Variants in ALKBH1 observed in about 807,000 individuals in gnomAD.
ALKBH1 encodes the protein alkB homolog 1, histone H2A dioxygenase.
In ALKBH1, 31 loss-of-function variants were observed where a neutral mutation model predicts 36.6. The observed-to-expected ratio is 0.85, with a 90% confidence interval of 0.64 to 1.14. ALKBH1 has a LOEUF of 1.14. ALKBH1 is among the 50% of genes most tolerant of loss of function. The probability of loss-of-function intolerance (pLI) is 0.00; values close to 1 mark genes in which losing one functional copy is unlikely to be tolerated. For missense variants in ALKBH1, 490 were observed against 497.3 expected, an observed-to-expected ratio of 0.99 and a Z score of 0.14; for synonymous variants, 183 against 186.6, an observed-to-expected ratio of 0.98 and a Z score of 0.16.
intron 2 of ALKBH1, among the ~76,000 whole-genome samples, chr14:77,702,903 C>A (rs2080367253): frequency 6.6e-6 from 1 of 152,094 alleles, no homozygotes; most frequent in Non-Finnish European, 1.5e-5. Context: ...GCCTGTAATC[C>A]TAGCACTCTG....
intron 1 of ALKBH1, among the ~76,000 whole-genome samples, chr14:77,706,285 C>T (rs533500282): frequency 4.2e-4 from 64 of 152,178 alleles, no homozygotes; most frequent in Non-Finnish European, 7.5e-4. Flanking sequence ...TTTCCAGGTA[C>T]CTAGGCACTG....
rs753918741 is a variant in ALKBH1, at chr14:77,673,788, TA to T, written c.*23del. The stretch of plus-strand genomic sequence containing the variant: ...CATTTACGGTAAGCAGGTGCCTGAG[TA>T]AAAAGGATGGGATCTCCAAGTCTCA... On this transcript the variant is annotated 3_prime_UTR_variant, in exon 6 of 6. Transcript: ENST00000216489. The T allele has an allele frequency of 1.3e-6, 2 of 1,595,034 alleles. No individual in the cohort carries two copies. The highest frequency in any genetic ancestry group is 1.7e-5 in the Admixed American group (1 of 58,370).
intron 3 of ALKBH1, among the ~76,000 whole-genome samples, chr14:77,682,132 C>G (rs1260506165): frequency 6.6e-6 from 1 of 152,056 alleles, no homozygotes; most frequent in East Asian, 1.9e-4. Context: ...AAATATAAGG[C>G]TTGGCCACTG....
At chr14:77,690,045 AAGT>A (rs2080289038) in intron 3 of ALKBH1, among the ~76,000 whole-genome samples, 1 of 152,142 alleles carries the variant, frequency 6.6e-6, no homozygotes, top group African/African-American at 2.4e-5. Context: ...GAATGAGGGG[AAGT>A]AGGAGATTCT....
At chr14:77,687,913 CA>C (rs1179031534) in intron 3 of ALKBH1, among the ~76,000 whole-genome samples, 2 of 20,434 alleles carry the variant, frequency 9.8e-5, no homozygotes, top group African/African-American at 1.9e-4. Flanking sequence ...CTCCTCATCT[CA>C]TCTCTCTTCG....
In ALKBH1 at chr14:77,673,554, A is replaced by G. The variant is rs909365171; in HGVS notation, c.*258T>C. The G allele has an allele frequency of 6.5e-6, 3 of 460,006 alleles. No individual in the cohort carries two copies. The highest frequency in any genetic ancestry group is 1.9e-5 in the African/African-American group (1 of 51,428). 28.5% of individuals were successfully genotyped at this position (460,006 alleles called of 1,614,324 possible). ...AGGCTGAGAAGGCTGTTGTGGAAGA[A>G]CATACCTCCTTGGACTGACTTCTCA... On this transcript the variant is annotated 3_prime_UTR_variant, in exon 6 of 6. Coordinates refer to ENST00000216489, the MANE Select transcript of ALKBH1 (RefSeq NM_006020.3).
intron 3 of ALKBH1, among the ~76,000 whole-genome samples, chr14:77,684,801 G>T (rs1219308388): frequency 6.6e-6 from 1 of 152,056 alleles, no homozygotes; most frequent in African/African-American, 2.4e-5. Context: ...TTCTGCGTTG[G>T]CCTCCCAAAG....
chr14:77,687,359 C>G lies in ALKBH1; in HGVS notation c.455+7379G>C, dbSNP rs139743253. On this transcript the variant is annotated intron_variant, in intron 3 of 5. Transcript: ENST00000216489. ...AATAGAATGTTTCTTCTCATACTTT[C>G]AAGTCCTCTTCTGAACTTGTTTTTT... 8.6e-4 allele frequency among the ~76,000 whole-genome samples: 131 copies of G among 152,318 alleles called. 1 individual carries two copies. Among genetic ancestry groups the G allele is most frequent in the African/African-American group, 3.0e-3 (125 of 41,574 alleles).
intron 3 of ALKBH1, among the ~76,000 whole-genome samples, chr14:77,680,730 A>G (rs952049583): frequency 1.5e-5 from 2 of 134,634 alleles, no homozygotes; most frequent in Admixed American, 8.1e-5. Flanking sequence ...CCCAGGCTGG[A>G]GTGCAATGGC....
intron 3 of ALKBH1, among the ~76,000 whole-genome samples, chr14:77,690,888 G>T (rs1251293942): frequency 2.0e-5 from 3 of 151,450 alleles, no homozygotes; most frequent in Non-Finnish European, 4.4e-5. Context: ...CGCAACCTCC[G>T]CCTCCCGGGT....
At chr14:77,684,580 C>A (rs1486415527) in intron 3 of ALKBH1, among the ~76,000 whole-genome samples, 2 of 152,068 alleles carry the variant, frequency 1.3e-5, no homozygotes, top group African/African-American at 4.8e-5. Flanking sequence ...AGGCTGGTTT[C>A]GAATTCTGGA....
At chr14:77,707,424 AAACAGC>A (rs1566819736) in intron 1 of ALKBH1, among the ~76,000 whole-genome samples, 1 of 152,226 alleles carries the variant, frequency 6.6e-6, no homozygotes, top group Non-Finnish European at 1.5e-5. Flanking sequence ...GTGGCTTAAC[AAACAGC>A]GCCGCATCCC....
intron 3 of ALKBH1, among the ~76,000 whole-genome samples, chr14:77,689,445 T>G (rs1259493155): frequency 6.6e-6 from 1 of 152,196 alleles, no homozygotes; most frequent in Non-Finnish European, 1.5e-5. Flanking sequence ...TTAGTGAAAA[T>G]AAGAAGAAAA....
intron 3 of ALKBH1, among the ~76,000 whole-genome samples, chr14:77,680,801 T>A (rs886145091): frequency 1.3e-5 from 2 of 151,024 alleles, no homozygotes; most frequent in African/African-American, 4.9e-5. Flanking sequence ...TGCCTCAGCC[T>A]CCCAAGTAGC....
chr14:77,673,637 CAA>C lies in ALKBH1; in HGVS notation c.*173_*174del. Reference sequence around the variant, plus strand: ...AGACCATGTCAAACACTTCTCTGAGCAAAGTGGCTGAGTTTACTTCTGCGTGG... The same window carrying C: ...AGACCATGTCAAACACTTCTCTGAGCAGTGGCTGAGTTTACTTCTGCGTGG... On this transcript the variant is annotated 3_prime_UTR_variant, in exon 6 of 6. Transcript: ENST00000216489. The C allele has an allele frequency of 3.1e-6, 2 of 642,016 alleles. No homozygotes were observed. 39.8% of individuals were successfully genotyped at this position (642,016 alleles called of 1,614,324 possible). A position where few individuals can be genotyped will look rare whatever the true frequency, so the allele number is the denominator to read the frequency against.
At chr14:77,699,860 C>G (rs1006314654) in intron 2 of ALKBH1, among the ~76,000 whole-genome samples, 2 of 152,078 alleles carry the variant, frequency 1.3e-5, no homozygotes, top group Non-Finnish European at 2.9e-5. Flanking sequence ...CAAGACCATC[C>G]TGGCTAACAC....
At chr14:77,675,914 G>A in intron 4 of ALKBH1, 65 bp from the exon 5 acceptor site, 2 of 1,291,022 alleles carry the variant, frequency 1.5e-6, no homozygotes, top group Non-Finnish European at 2.2e-6. Context: ...GAAACTATAA[G>A]ATTAATTACC....
At chr14:77,707,744 A>C (rs970051933) in intron 1 of ALKBH1, 78 bp downstream of exon 1, 13 of 1,489,570 alleles carry the variant, frequency 8.7e-6, no homozygotes, top group Non-Finnish European at 1.2e-5. Context: ...AGGTGAAAAG[A>C]GGCGAAGAAG....
chr14:77,683,330 G>T, intron 3 of ALKBH1: 1 of 738,314 alleles, frequency 1.4e-6, no homozygotes, highest in Non-Finnish European at 2.5e-6. Context: ...TTCTCTTTGG[G>T]TTCTTTTTCT....
Sources: gnomAD v4.1 joint callset for allele counts (sites outside exome capture counted in the v4.1 genomes callset) on GRCh38, gnomAD v4.1.1 for gene constraint, MANE v1.5 for transcripts, NCBI Gene and HGNC (gene_info 2026-07-23, HGNC 2026-07-21) for gene names.